The following ANHX variants were observed in gnomAD, a reference collection of about 807,000 sequenced individuals.
The protein encoded by ANHX is anomalous homeobox protein.
Under a neutral mutation model 38.9 loss-of-function variants are expected in ANHX, and 20 were observed. The ratio of observed to expected loss-of-function variants is 0.51; its 90% CI spans 0.36 to 0.75. The LOEUF is 0.75. ANHX is among the 30% of genes least tolerant of loss of function. The pLI is 0.00. For synonymous variants in ANHX, 185 were observed against 203.1 expected (o/e 0.91, Z 0.76); for missense variants, 475 against 493.1 (o/e 0.96, Z 0.35).
At chr12:133,233,493 C>T (rs984986467) in intron 2 of ANHX, among the ~76,000 whole-genome samples, 1 of 152,206 alleles carries the variant, frequency 6.6e-6, no homozygotes, top group African/African-American at 2.4e-5. Flanking sequence ...TTTCAGATTT[C>T]AGCAAGTAAC....
In ANHX at chr12:133,234,392, C is replaced by G. The variant is rs1341289834; in HGVS notation, c.-22-14G>C. 1 of 1,518,116 alleles carries G rather than the reference C, an allele frequency of 6.6e-7. No homozygotes were observed. The highest frequency in any genetic ancestry group is 1.4e-5 in the African/African-American group (1 of 72,808). 94.0% of individuals were successfully genotyped at this position (1,518,116 alleles called of 1,614,324 possible). A position where few individuals can be genotyped will look rare whatever the true frequency, so the allele number is the denominator to read the frequency against. The stretch of plus-strand genomic sequence containing the variant: ...GTCGTGGCCACTCTGCCAACACAAA[C>G]AGTCACAAGAATGGCCACCACTGAC... On this transcript the variant is annotated splice_polypyrimidine_tract_variant and intron_variant, in intron 1 of 9. Coordinates refer to ENST00000545940, the MANE Select transcript of ANHX (RefSeq NM_001372060.1).
In ANHX at chr12:133,227,088, C is replaced by T. The variant is rs566321789; in HGVS notation, c.566G>A (p.Arg189Gln). 6 of 1,536,046 alleles carry T rather than the reference C, an allele frequency of 3.9e-6. No individual in the cohort carries two copies. Among genetic ancestry groups the T allele is most frequent in the Admixed American group, 2.0e-5 (1 of 50,984 alleles). ...EQVYNWFANY[R>Q]RRQRALPQHM... Reference sequence around the variant, plus strand: ...CTGGGGAAGGGCTCTTTGGCGGCGCCGGTAATTGGCAAACCAGTTGTACAC... The same window carrying T: ...CTGGGGAAGGGCTCTTTGGCGGCGCTGGTAATTGGCAAACCAGTTGTACAC... The change falls in exon 5 of 10, where the codon CGG becomes CAG. Residue 189 changes from arginine to glutamine, a missense_variant. Physicochemically the swap from Arg to Gln is conservative, Grantham distance 43 (BLOSUM62 1). Transcript: ENST00000545940.
At chr12:133,222,600 G>C (rs1169673609) in intron 7 of ANHX, among the ~76,000 whole-genome samples, 1 of 152,172 alleles carries the variant, frequency 6.6e-6, no homozygotes, top group Admixed American at 6.5e-5. Context: ...AGGCAAATGT[G>C]AGTGTCCAAC....
chr12:133,231,483 A>G (rs1280664299), intron 3 of ANHX, 34 bp downstream of exon 3: 1 of 1,535,612 alleles, frequency 6.5e-7, no homozygotes, highest in Admixed American at 2.0e-5. Context: ...TGGGATCCCC[A>G]TGAAATATGC....
chr12:133,222,981 A>C (rs1329897047), intron 7 of ANHX, among the ~76,000 whole-genome samples: 2 of 152,138 alleles, frequency 1.3e-5, no homozygotes, highest in Non-Finnish European at 2.9e-5. Flanking sequence ...ACTTGAGATC[A>C]GGAGTTCGAG....
intron 2 of ANHX, among the ~76,000 whole-genome samples, chr12:133,232,347 G>A (rs1330811532): frequency 2.2e-5 from 1 of 46,118 alleles, no homozygotes; most frequent in Non-Finnish European, 4.5e-5. Context: ...TGATCCCTGT[G>A]GCCCCACACT....
intron 9 of ANHX, 131 bp downstream of exon 9, chr12:133,219,152 C>A: frequency 1.9e-6 from 2 of 1,036,992 alleles, no homozygotes; most frequent in South Asian, 1.5e-5. Context: ...AGCCACAAAT[C>A]ATCTTTGCCC....
In ANHX at chr12:133,219,266, T is replaced by C; in HGVS notation, c.1365+17A>G. The C allele has an allele frequency of 2.0e-6, 3 of 1,529,986 alleles. No individual in the cohort carries two copies. The highest frequency in any genetic ancestry group is 2.6e-6 in the Non-Finnish European group (3 of 1,142,444). The allele number at this position is 1,529,986 out of a possible 1,614,324, so 94.8% of individuals were successfully genotyped here. On this transcript the variant is annotated intron_variant, in intron 9 of 9. Transcript: ENST00000545940. Reference sequence around the variant, plus strand: ...GAGTAAAGAGGGAATCCTTCAGTGCTCATAGGGAAGCCTCACCTGGCTGGA... The same window carrying C: ...GAGTAAAGAGGGAATCCTTCAGTGCCCATAGGGAAGCCTCACCTGGCTGGA...
Position 133,221,156 on chromosome 12 carries a change from T to C in ANHX, c.1280+49A>G. On this transcript the variant is annotated intron_variant, in intron 8 of 9. Coordinates refer to ENST00000545940, the MANE Select transcript of ANHX (RefSeq NM_001372060.1). The surrounding 1 kb of genome is among the most constrained non-coding windows in gnomAD (Gnocchi z 4.1). ...CTATAAACTGGGCATTACCCTATCTTGTGGCCTGTGGAAAGGACTGTCCAG... is the reference window on the plus strand; with the variant it reads ...CTATAAACTGGGCATTACCCTATCTCGTGGCCTGTGGAAAGGACTGTCCAG... 1 of 1,529,706 alleles carries C rather than the reference T, an allele frequency of 6.5e-7. No individual in the cohort carries two copies. The highest frequency in any genetic ancestry group is 8.7e-7 in the Non-Finnish European group (1 of 1,142,916). 94.8% of individuals were successfully genotyped at this position (1,529,706 alleles called of 1,614,324 possible). A position where few individuals can be genotyped will look rare whatever the true frequency, so the allele number is the denominator to read the frequency against.
At chr12:133,219,511 T>C in intron 8 of ANHX, 144 bp from the exon 9 acceptor site, 1 of 627,762 alleles carries the variant, frequency 1.6e-6, no homozygotes, top group Non-Finnish European at 2.7e-6. Context: ...TGCAGGGCTG[T>C]CACGTATGTA....
chr12:133,234,420 C>A (rs946990871), intron 1 of ANHX, 42 bp from the exon 2 acceptor site: 3 of 1,490,902 alleles, frequency 2.0e-6, no homozygotes, highest in Non-Finnish European at 1.8e-6. Flanking sequence ...CCACTGACCA[C>A]GTCCTTTCTG....
chr12:133,235,767 CCCT>C (rs1957370933), intron 1 of ANHX, 37 bp downstream of exon 1: 1 of 135,558 alleles, frequency 7.4e-6, no homozygotes, highest in Non-Finnish European at 1.6e-5. Flanking sequence ...CCCCGCGCGT[CCCT>C]CATCCTCCCG....
At chr12:133,220,992 C>G (rs1957101449) in intron 8 of ANHX, among the ~76,000 whole-genome samples, 1 of 152,198 alleles carries the variant, frequency 6.6e-6, no homozygotes, top group Non-Finnish European at 1.5e-5. Flanking sequence ...GCATGGGATG[C>G]CCACATCTGC....
At chr12:133,234,450 ACT>A (rs1957333938) in intron 1 of ANHX, 72 bp from the exon 2 acceptor site, 3 of 1,465,980 alleles carry the variant, frequency 2.0e-6, no homozygotes, top group Admixed American at 4.4e-5. Context: ...CGCCCAACCC[ACT>A]CTGCAAAGCA....
intron 2 of ANHX, among the ~76,000 whole-genome samples, chr12:133,233,628 T>A (rs989247224): frequency 6.6e-6 from 1 of 152,150 alleles, no homozygotes; most frequent in Non-Finnish European, 1.5e-5. Flanking sequence ...ATAAACACTA[T>A]AAATAGCTTC....
At chr12:133,226,774 C>T (rs1268443362) in intron 5 of ANHX, among the ~76,000 whole-genome samples, 162 bp downstream of exon 5, 3 of 152,136 alleles carry the variant, frequency 2.0e-5, no homozygotes, top group Non-Finnish European at 4.4e-5. Context: ...GCATCTTGAG[C>T]CTCAGACCTC....
intron 3 of ANHX, among the ~76,000 whole-genome samples, chr12:133,230,346 G>A (rs567375302): frequency 5.9e-5 from 9 of 152,326 alleles, no homozygotes; most frequent in South Asian, 4.1e-4. Flanking sequence ...GGCTTCTGAC[G>A]ACTTGTCTTA....
In ANHX at chr12:133,233,510, A is replaced by T. The variant is rs779349812; in HGVS notation, c.249+598T>A. Among the ~76,000 whole-genome samples the T allele has an allele frequency of 2.6e-5, 4 of 152,200 alleles. 1 individual carries two copies. The South Asian group carries it at 8.3e-4, about 31-fold the overall frequency. On this transcript the variant is annotated intron_variant, in intron 2 of 9. Transcript: ENST00000545940. The stretch of plus-strand genomic sequence containing the variant: ...TCAGATTTCAGCAAGTAACGCAGGC[A>T]TCCAGCACACGACATGCACCACTCA...
In ANHX at chr12:133,221,467, C is replaced by G. The variant is rs889699899; in HGVS notation, c.1133-115G>C. On this transcript the variant is annotated intron_variant, in intron 7 of 9. Transcript: ENST00000545940. This position sits in a 1 kb window ranked among gnomAD's most constrained non-coding sequence, Gnocchi z 4.1. ...GATGCAGCCTCCGGCCCAGCCAGCC[C>G]GCGCCACGTGAACCAGACTCACGGT... 13 of 1,225,638 alleles carry G rather than the reference C, an allele frequency of 1.1e-5. No homozygotes were observed. Among genetic ancestry groups the G allele is most frequent in the Non-Finnish European group, 1.4e-5 (13 of 905,472 alleles). 75.9% of individuals were successfully genotyped at this position (1,225,638 alleles called of 1,614,324 possible).
Sources: gnomAD v4.1 joint callset for allele counts (sites outside exome capture counted in the v4.1 genomes callset) on GRCh38, gnomAD v4.1.1 for gene constraint, Gnocchi (gnomAD v3.1) non-coding constraint, MANE v1.5 for transcripts, NCBI Gene and HGNC (gene_info 2026-07-23, HGNC 2026-07-21) for gene names.